MDGA2: variants seen among roughly 807,000 people sequenced by gnomAD.
The protein encoded by MDGA2 is MAM domain-containing glycosylphosphatidylinositol anchor protein 2.
Under a neutral mutation model 117.8 loss-of-function variants are expected in MDGA2, and 40 were observed. That is an observed-to-expected ratio of 0.34 (90% CI 0.26 to 0.44). MDGA2 has a LOEUF of 0.44. Ranked by LOEUF, MDGA2 falls within the 20% of genes least tolerant of loss-of-function variation. The probability of loss-of-function intolerance (pLI) is 1.00; values close to 1 mark genes in which losing one functional copy is unlikely to be tolerated. For synonymous variants in MDGA2, 452 were observed against 439.0 expected (o/e 1.03, Z -0.37); for missense variants, 1,123 against 1,250.6 (o/e 0.90, Z 1.54).
At chr14:47,309,958 TTC>T (rs1441082931) in intron 1 of MDGA2, among the ~76,000 whole-genome samples, 1 of 152,162 alleles carries the variant, frequency 6.6e-6, no homozygotes, top group African/African-American at 2.4e-5. Flanking sequence ...CAATCATATT[TTC>T]TGTGTAAAAA....
At position 47,447,301 on chromosome 14, in the gene MDGA2, C is replaced by G. The variant is rs143622265; in HGVS notation, c.281-145751G>C. ...AGAAAGGTCAGGCTCTTATCTCACG[C>G]CTATCCCAATGCCTCTCTCTGCTTC... On this transcript the variant is annotated intron_variant, in intron 1 of 16. Coordinates refer to ENST00000399232, the MANE Select transcript of MDGA2 (RefSeq NM_001113498.3). Among the ~76,000 whole-genome samples the G allele has an allele frequency of 4.0e-4, 61 of 152,244 alleles. No individual in the cohort carries two copies. In the East Asian group the frequency reaches 0.011, roughly 27 times the overall value.
At chr14:47,624,753 A>C (rs1897110517) in intron 1 of MDGA2, among the ~76,000 whole-genome samples, 1 of 152,176 alleles carries the variant, frequency 6.6e-6, no homozygotes, top group South Asian at 2.1e-4. Flanking sequence ...CAACCTAGGG[A>C]AACATAACAT....
chr14:47,576,297 T>C (rs1896114315), intron 1 of MDGA2, among the ~76,000 whole-genome samples: 1 of 152,206 alleles, frequency 6.6e-6, no homozygotes. Context: ...ATTTCTACAG[T>C]ATAGACCAGT....
chr14:47,365,613 TC>T (rs1379146135), intron 1 of MDGA2, among the ~76,000 whole-genome samples: 2 of 152,208 alleles, frequency 1.3e-5, no homozygotes, highest in African/African-American at 2.4e-5. Context: ...CTCCTTTTTT[TC>T]CCCACATTAA....
chr14:47,079,043 A>C (rs954994430), intron 6 of MDGA2, among the ~76,000 whole-genome samples: 1 of 152,138 alleles, frequency 6.6e-6, no homozygotes, highest in African/African-American at 2.4e-5. Flanking sequence ...GAAAAAAAAA[A>C]AAGGAAACAA....
chr14:47,418,066 T>A (rs564283664), intron 1 of MDGA2, among the ~76,000 whole-genome samples: 1 of 151,840 alleles, frequency 6.6e-6, no homozygotes, highest in Non-Finnish European at 1.5e-5. Flanking sequence ...ATTAGGGTAC[T>A]TTTTAATTTT....
chr14:47,516,044 A>G (rs528568328), intron 1 of MDGA2, among the ~76,000 whole-genome samples: 8 of 152,178 alleles, frequency 5.3e-5, no homozygotes, highest in Non-Finnish European at 1.2e-4. Flanking sequence ...ACCATAGTTC[A>G]ATCATTAGCC....
chr14:47,453,472 C>T (rs1044525013), intron 1 of MDGA2, among the ~76,000 whole-genome samples: 1 of 151,916 alleles, frequency 6.6e-6, no homozygotes, highest in African/African-American at 2.4e-5. Context: ...GAAAGATAAC[C>T]GAAATAAGTA....
intron 6 of MDGA2, among the ~76,000 whole-genome samples, chr14:47,080,782 G>A (rs938034341): frequency 4.6e-5 from 7 of 152,118 alleles, no homozygotes; most frequent in African/African-American, 1.7e-4. Flanking sequence ...ACCTGGGCCT[G>A]CATCTATCAT....
intron 1 of MDGA2, among the ~76,000 whole-genome samples, chr14:47,627,858 G>A (rs199537858): frequency 5.9e-5 from 9 of 152,222 alleles, no homozygotes; most frequent in East Asian, 5.8e-4. Flanking sequence ...GCAGTTTCAC[G>A]CCTGAGCCAG....
chr14:47,381,140 G>C (rs990212994), intron 1 of MDGA2, among the ~76,000 whole-genome samples: 5 of 152,076 alleles, frequency 3.3e-5, no homozygotes, highest in Non-Finnish European at 7.4e-5. Context: ...TGCAGAAAAG[G>C]CCTTCGACAA....
intron 1 of MDGA2, among the ~76,000 whole-genome samples, chr14:47,533,502 G>C (rs997974273): frequency 6.6e-6 from 1 of 152,184 alleles, no homozygotes; most frequent in East Asian, 1.9e-4. Flanking sequence ...GGACTAAGAG[G>C]CTTGGAAGAT....
At chr14:47,428,965 T>G (rs1478086292) in intron 1 of MDGA2, among the ~76,000 whole-genome samples, 16 of 151,958 alleles carry the variant, frequency 1.1e-4, no homozygotes, top group Non-Finnish European at 1.5e-5. Flanking sequence ...CCACAAGTTA[T>G]TATATAAAAA....
At chr14:47,211,173 C>T (rs1262236847) in intron 3 of MDGA2, among the ~76,000 whole-genome samples, 1 of 152,038 alleles carries the variant, frequency 6.6e-6, no homozygotes, top group Non-Finnish European at 1.5e-5. Context: ...ACCACTAGTC[C>T]CTAAACTCTG....
At chr14:47,200,600 A>G in intron 3 of MDGA2, 1 of 1,197,930 alleles carries the variant, frequency 8.3e-7, no homozygotes, top group Non-Finnish European at 1.2e-6. Flanking sequence ...GTGAGTCTTG[A>G]AGACCTCTGT....
chr14:47,043,676 G>T (rs1419589754), intron 7 of MDGA2, among the ~76,000 whole-genome samples: 1 of 152,014 alleles, frequency 6.6e-6, no homozygotes, highest in East Asian at 1.9e-4. Flanking sequence ...CCCACTGCTT[G>T]TTTTCCATCT....
chr14:47,325,365 T>A (rs1890113931), intron 1 of MDGA2, among the ~76,000 whole-genome samples: 1 of 152,162 alleles, frequency 6.6e-6, no homozygotes, highest in Non-Finnish European at 1.5e-5. Context: ...TGTAGATAAG[T>A]AGTGTCAATC....
intron 9 of MDGA2, among the ~76,000 whole-genome samples, chr14:46,952,314 G>A (rs1024051260): frequency 6.6e-6 from 1 of 151,904 alleles, no homozygotes; most frequent in Non-Finnish European, 1.5e-5. Context: ...TGGAGGAAAT[G>A]TGGAATTAAT....
intron 8 of MDGA2, among the ~76,000 whole-genome samples, chr14:47,012,893 G>C (rs1887944708): frequency 6.6e-6 from 1 of 152,078 alleles, no homozygotes; most frequent in South Asian, 2.1e-4. Flanking sequence ...AGTCTATACA[G>C]CATTGAGTCT....
Sources: allele counts gnomAD v4.1 joint callset (sites outside exome capture counted in the v4.1 genomes callset), GRCh38; gene constraint gnomAD v4.1.1; transcripts MANE v1.5; gene names NCBI Gene and HGNC (gene_info 2026-07-23, HGNC 2026-07-21).